Variants in CHRDL2 observed in about 807,000 individuals in gnomAD.
CHRDL2 encodes the protein chordin like 2.
In CHRDL2, 41 loss-of-function variants were observed where a neutral mutation model predicts 54.3. The observed-to-expected ratio is 0.76, with a 90% CI of 0.59 to 0.98. The LOEUF (loss-of-function observed/expected upper bound fraction) is 0.98, where lower values mean the gene tolerates loss of function less well. Ranked by LOEUF, CHRDL2 falls within the 50% of genes least tolerant of loss-of-function variation. CHRDL2 has a pLI of 0.00. For missense variants in CHRDL2, 518 were observed against 562.4 expected (o/e 0.92, Z 0.80); for synonymous variants, 220 against 224.3 (o/e 0.98, Z 0.17).
At chr11:74,703,607 G>A in intron 7 of CHRDL2, 108 bp from the exon 8 acceptor site, 2 of 943,646 alleles carry the variant, frequency 2.1e-6, no homozygotes, top group Non-Finnish European at 3.1e-6. Context: ...CACTTTACCA[G>A]TCCTGCCTAG....
chr11:74,727,846 A>G (rs1055184947), intron 1 of CHRDL2, among the ~76,000 whole-genome samples: 3 of 152,082 alleles, frequency 2.0e-5, no homozygotes, highest in African/African-American at 7.2e-5. Flanking sequence ...TAGGGCAGAA[A>G]GCACTGAAGA....
chr11:74,713,585 C>T (rs766226315), intron 2 of CHRDL2, 106 bp from the exon 3 acceptor site: 43 of 825,680 alleles, frequency 5.2e-5, no homozygotes, highest in Non-Finnish European at 7.0e-5. Context: ...CTGAACTTGT[C>T]GTAAGCCTGT....
chr11:74,721,696 T>A (rs990904966), intron 1 of CHRDL2, among the ~76,000 whole-genome samples: 3 of 152,264 alleles, frequency 2.0e-5, no homozygotes, highest in African/African-American at 7.2e-5. Flanking sequence ...CCCTTGAACA[T>A]GGCTGGTGAA....
At chr11:74,726,465 A>G (rs941453535) in intron 1 of CHRDL2, among the ~76,000 whole-genome samples, 2 of 152,210 alleles carry the variant, frequency 1.3e-5, no homozygotes, top group African/African-American at 2.4e-5. Flanking sequence ...GCGAGACACA[A>G]AAAAGAACTC....
intron 2 of CHRDL2, among the ~76,000 whole-genome samples, chr11:74,714,415 C>T (rs1033321440): frequency 1.3e-5 from 2 of 152,170 alleles, no homozygotes; most frequent in African/African-American, 2.4e-5. Flanking sequence ...CTGAAGTTGG[C>T]GAAGTTTGTT....
chr11:74,703,445 A>G lies in CHRDL2; in HGVS notation c.806T>C (p.Phe269Ser). The change falls in exon 8 of 11, where the codon TTC becomes TCC. Residue 269 changes from phenylalanine to serine, a missense_variant. Physicochemically the swap from Phe to Ser is radical, Grantham distance 155 (BLOSUM62 -2). Transcript: ENST00000376332. ...YSHGEVWHPAFRAFGPLPCIL... is the reference protein window; with the variant it reads ...YSHGEVWHPASRAFGPLPCIL... ...GCAGGGCAAGGGGCCGAAGGCACGG[A>G]AGGCCGGGTGCCACACCTCCCCGTG... The G allele has an allele frequency of 6.2e-7, 1 of 1,612,760 alleles. No homozygotes were observed. The highest frequency in any genetic ancestry group is 8.5e-7 in the Non-Finnish European group (1 of 1,179,382).
intron 4 of CHRDL2, among the ~76,000 whole-genome samples, chr11:74,708,999 C>T (rs2034102615): frequency 1.3e-5 from 2 of 152,126 alleles, no homozygotes; most frequent in South Asian, 4.2e-4. Context: ...TGTGAAGATC[C>T]AGTGAGGGAA....
chr11:74,706,616 C>T, intron 5 of CHRDL2, 74 bp from the exon 6 acceptor site: 2 of 1,406,686 alleles, frequency 1.4e-6, no homozygotes, highest in South Asian at 2.3e-5. Context: ...AGGCCTCCAC[C>T]TATAGGCTCT....
intron 2 of CHRDL2, among the ~76,000 whole-genome samples, chr11:74,716,414 AG>A (rs1322402039): frequency 6.6e-6 from 1 of 152,024 alleles, no homozygotes; most frequent in Non-Finnish European, 1.5e-5. Flanking sequence ...AGGTGCCTGT[AG>A]TCCCAGCTAC....
At position 74,713,356 on chromosome 11, in the gene CHRDL2, T is replaced by C. The variant is rs112899447; in HGVS notation, c.289+30A>G. The C allele has an allele frequency of 1.2e-3, 1,887 of 1,593,900 alleles. 25 individuals are homozygous for C. The African/African-American group carries it at 0.022, about 19-fold the overall frequency. On this transcript the variant is annotated intron_variant, in intron 3 of 10. Transcript: ENST00000376332. Reference sequence around the variant, plus strand: ...ACACTGGGAGTAGGAGAAAGGTCCATGGACGATGGGGAGGAGCATGGCTAC... The same window carrying C: ...ACACTGGGAGTAGGAGAAAGGTCCACGGACGATGGGGAGGAGCATGGCTAC...
chr11:74,728,393 G>A (rs2034602291), intron 1 of CHRDL2, among the ~76,000 whole-genome samples: 1 of 152,194 alleles, frequency 6.6e-6, no homozygotes, highest in South Asian at 2.1e-4. Flanking sequence ...CTTGGCAAAT[G>A]ACTATAGGAT....
chr11:74,702,558 C>T (rs752969040), intron 9 of CHRDL2, among the ~76,000 whole-genome samples: 12 of 152,210 alleles, frequency 7.9e-5, no homozygotes, highest in Non-Finnish European at 1.5e-4. Context: ...AGCGCCTTCC[C>T]CCCAGGAGAG....
Position 74,696,477 on chromosome 11 carries a change from T to C in CHRDL2, c.*32A>G. On this transcript the variant is annotated 3_prime_UTR_variant, in exon 11 of 11. Coordinates refer to ENST00000376332, the MANE Select transcript of CHRDL2 (RefSeq NM_001278473.3). ...TATTAATATATAATAACAACAATTATACAGCTCATATCTGCAACTGTTAGG... is the reference window on the plus strand; with the variant it reads ...TATTAATATATAATAACAACAATTACACAGCTCATATCTGCAACTGTTAGG... The C allele has an allele frequency of 6.5e-7, 1 of 1,546,148 alleles. No individual in the cohort carries two copies. The highest frequency in any genetic ancestry group is 1.4e-5 in the African/African-American group (1 of 73,720).
At chr11:74,706,890 T>C (rs555971257) in intron 5 of CHRDL2, among the ~76,000 whole-genome samples, 11 of 152,306 alleles carry the variant, frequency 7.2e-5, no homozygotes, top group African/African-American at 2.2e-4. Flanking sequence ...TACCTTTCAG[T>C]ATTTACCATG....
At chr11:74,728,466 G>C (rs1249352129) in intron 1 of CHRDL2, among the ~76,000 whole-genome samples, 1 of 152,198 alleles carries the variant, frequency 6.6e-6, no homozygotes, top group Non-Finnish European at 1.5e-5. Context: ...GAAGTGGTCT[G>C]TCCCAACTCA....
At chr11:74,721,664 G>A (rs977867458) in intron 1 of CHRDL2, among the ~76,000 whole-genome samples, 2 of 152,284 alleles carry the variant, frequency 1.3e-5, no homozygotes, top group Non-Finnish European at 2.9e-5. Context: ...CTCAGTTCCT[G>A]CAGTGCTGGC....
In CHRDL2 at chr11:74,710,905, C is replaced by T; in HGVS notation, c.376G>A (p.Ala126Thr). 3 of 1,614,136 alleles carry T rather than the reference C, an allele frequency of 1.9e-6. No individual in the cohort carries two copies. Among genetic ancestry groups the T allele is most frequent in the South Asian group, 2.2e-5 (2 of 91,072 alleles). ...AGGCGGGAGGGGAACAGCTCATGGGCACTGAAGATCTCTCCGTGTTGGTAC... is the reference window on the plus strand; with the variant it reads ...AGGCGGGAGGGGAACAGCTCATGGGTACTGAAGATCTCTCCGTGTTGGTAC... ...TMYQHGEIFSAHELFPSRLPN... is the reference protein window; with the variant it reads ...TMYQHGEIFSTHELFPSRLPN... The change falls in exon 4 of 11, where the codon GCC becomes ACC. Residue 126 changes from alanine to threonine, a missense_variant. By Grantham distance (58) the Ala-to-Thr change is moderately conservative. Transcript: ENST00000376332.
rs1006291911 is a variant in CHRDL2 at position 74,730,814 on chromosome 11, A to C, written c.75T>G (p.Ala25=). 1 of 1,611,420 alleles carries C rather than the reference A, an allele frequency of 6.2e-7. No individual in the cohort carries two copies. Among genetic ancestry groups the C allele is most frequent in the African/African-American group, 1.3e-5 (1 of 74,978 alleles). Residue 25 remains alanine (A), a synonymous_variant, in exon 1 of 11, where the codon GCT becomes GCG. Coordinates refer to ENST00000376332, the MANE Select transcript of CHRDL2 (RefSeq NM_001278473.3). ...GCCTCCCGGTCTACTTACGGGCTCG[A>C]GCGTGGGAGTCCAGGGGGAACCAGA... ...ALLWFPLDSH[A]RARPDMFCLF...
At chr11:74,715,560 G>A (rs187762867) in intron 2 of CHRDL2, among the ~76,000 whole-genome samples, 125 of 150,186 alleles carry the variant, frequency 8.3e-4, no homozygotes, top group African/African-American at 2.8e-3. Context: ...CCGAGATTAC[G>A]ACATGGCACT....
Sources: gnomAD v4.1 joint callset for allele counts (sites outside exome capture counted in the v4.1 genomes callset) on GRCh38, gnomAD v4.1.1 for gene constraint, MANE v1.5 for transcripts, NCBI Gene and HGNC (gene_info 2026-07-23, HGNC 2026-07-21) for gene names.